The following ASTN2 variants were observed in gnomAD, a reference collection of about 807,000 sequenced individuals.
ASTN2 encodes astrotactin-2.
Under a neutral mutation model 139.8 loss-of-function variants are expected in ASTN2, and 54 were observed. The ratio of observed to expected loss-of-function variants is 0.39; its 90% confidence interval spans 0.31 to 0.48. ASTN2 has a LOEUF of 0.48. Among genes scored for constraint, ASTN2 ranks in the 20% least tolerant of loss-of-function variants. The pLI is 0.95. For synonymous variants in ASTN2, 756 were observed against 719.5 expected, an observed-to-expected ratio of 1.05 and a Z score of -0.81; for missense variants, 1,565 against 1,725.1, an observed-to-expected ratio of 0.91 and a Z score of 1.64.
chr9:117,106,505 A>G (rs532399684), intron 4 of ASTN2, among the ~76,000 whole-genome samples: 5 of 152,266 alleles, frequency 3.3e-5, no homozygotes, highest in African/African-American at 1.2e-4. Flanking sequence ...AGCCCAAGCT[A>G]CATATTTTTA....
chr9:116,629,328 A>G (rs1856620372), intron 17 of ASTN2, among the ~76,000 whole-genome samples: 1 of 152,074 alleles, frequency 6.6e-6, no homozygotes, highest in Non-Finnish European at 1.5e-5. Context: ...TGTGTTAGCC[A>G]GGATGGTCTT....
intron 10 of ASTN2, among the ~76,000 whole-genome samples, chr9:116,891,455 G>A (rs1283470701): frequency 6.6e-6 from 1 of 152,220 alleles, no homozygotes; most frequent in African/African-American, 2.4e-5. Flanking sequence ...AGTGAGCTAG[G>A]CACTTAGCAT....
In ASTN2 at chr9:116,699,360, C is replaced by T. The variant is rs147803099; in HGVS notation, c.2806+26411G>A. The T allele has an allele frequency of 3.1e-6, 5 of 1,614,054 alleles. No individual in the cohort carries two copies. The highest frequency in any genetic ancestry group is 1.7e-5 in the Admixed American group (1 of 60,010). On this transcript the variant is annotated intron_variant, in intron 16 of 22. Transcript: ENST00000313400. This position sits in a 1 kb window ranked among gnomAD's most constrained non-coding sequence, Gnocchi z 4.2. ...GGGCTTAGGCCTCAATCTGGAGAAT[C>T]GGCAGAATGAGCACCACCTGGAGGG... is the stretch of plus-strand genomic sequence containing the variant.
At chr9:116,647,138 G>T (rs938101827) in intron 17 of ASTN2, among the ~76,000 whole-genome samples, 1 of 152,090 alleles carries the variant, frequency 6.6e-6, no homozygotes, top group Admixed American at 6.6e-5. Flanking sequence ...CTCTGACTGC[G>T]TAAGGCCCCT....
chr9:117,060,390 GAAAGAAAGAAAGAAAGAAAGAAGGA>G (rs1839223435), intron 5 of ASTN2, among the ~76,000 whole-genome samples: 2 of 73,704 alleles, frequency 2.7e-5, no homozygotes, highest in African/African-American at 7.0e-5. Flanking sequence ...AAGAAAGAAA[GAAAGAAAGAAAGAAAGAAAGAAGGA>G]AAGGAAGGAA....
At chr9:117,276,750 G>C (rs937990789) in intron 2 of ASTN2, among the ~76,000 whole-genome samples, 1 of 152,138 alleles carries the variant, frequency 6.6e-6, no homozygotes, top group Admixed American at 6.5e-5. Context: ...CCATGGGAAA[G>C]CAAGAGCTTT....
chr9:117,214,106 T>C (rs991127544), intron 3 of ASTN2, among the ~76,000 whole-genome samples: 8 of 152,184 alleles, frequency 5.3e-5, no homozygotes, highest in African/African-American at 1.7e-4. Flanking sequence ...ACTGGAAAGA[T>C]GTTGGACTGC....
At chr9:116,908,060 A>T (rs1013031133) in intron 10 of ASTN2, among the ~76,000 whole-genome samples, 15 of 152,074 alleles carry the variant, frequency 9.9e-5, no homozygotes, top group African/African-American at 3.6e-4. Context: ...GGAATCTCAA[A>T]CCTGAAGCAT....
intron 5 of ASTN2, among the ~76,000 whole-genome samples, chr9:117,092,972 A>C (rs900372484): frequency 7.9e-5 from 12 of 152,168 alleles, no homozygotes; most frequent in Admixed American, 2.0e-4. Context: ...GAGAAACAGG[A>C]AAGGGGAGTG....
chr9:116,898,356 G>T (rs1260777906), intron 10 of ASTN2, among the ~76,000 whole-genome samples: 1 of 149,346 alleles, frequency 6.7e-6, no homozygotes, highest in African/African-American at 2.5e-5. Flanking sequence ...GCTGCAGTGA[G>T]CTATGATCAC....
intron 13 of ASTN2, among the ~76,000 whole-genome samples, chr9:116,784,202 C>T (rs148409994): frequency 9.9e-5 from 15 of 152,248 alleles, no homozygotes; most frequent in Non-Finnish European, 1.9e-4. Context: ...TGTTTACTTC[C>T]CCACTTTTCT....
intron 6 of ASTN2, among the ~76,000 whole-genome samples, chr9:117,016,427 G>GGTGGA (rs1447668961): frequency 6.6e-6 from 1 of 151,410 alleles, no homozygotes. Context: ...GAACCGTCCT[G>GGTGGA]GTGGAGGGAA....
intron 10 of ASTN2, among the ~76,000 whole-genome samples, chr9:116,958,884 A>G (rs1588441460): frequency 6.6e-6 from 1 of 152,222 alleles, no homozygotes; most frequent in Admixed American, 6.5e-5. Context: ...AGGAAACACT[A>G]TGAAATGGGT....
intron 10 of ASTN2, among the ~76,000 whole-genome samples, chr9:116,903,202 C>G (rs1327090639): frequency 6.6e-6 from 1 of 152,214 alleles, no homozygotes; most frequent in Non-Finnish European, 1.5e-5. Flanking sequence ...CATCATCACT[C>G]TTAAGCCCCT....
At chr9:117,356,633 C>T (rs914975964) in intron 1 of ASTN2, among the ~76,000 whole-genome samples, 4 of 151,798 alleles carry the variant, frequency 2.6e-5, no homozygotes, top group East Asian at 1.9e-4. Flanking sequence ...ATGTAAAATA[C>T]GGGTGCTTAA....
intron 7 of ASTN2, among the ~76,000 whole-genome samples, chr9:116,985,949 C>A (rs1473583186): frequency 6.6e-6 from 1 of 152,172 alleles, no homozygotes; most frequent in African/African-American, 2.4e-5. Flanking sequence ...AGGCTGAATC[C>A]TCTGTGGCCT....
chr9:116,745,519 C>T (rs1466597824), intron 13 of ASTN2, among the ~76,000 whole-genome samples: 2 of 152,198 alleles, frequency 1.3e-5, no homozygotes, highest in African/African-American at 2.4e-5. Context: ...AGATCACCAA[C>T]TCTGCTAGGT....
chr9:116,686,700 C>T (rs10983304), intron 16 of ASTN2: 44,983 of 1,550,462 alleles, frequency 0.029, 735 homozygotes, highest in Non-Finnish European at 0.032. Flanking sequence ...CGGGTACCTT[C>T]AGTCTGCAGG....
chr9:116,573,401 A>AT (rs943774824), intron 19 of ASTN2, among the ~76,000 whole-genome samples: 3 of 152,084 alleles, frequency 2.0e-5, no homozygotes, highest in Admixed American at 6.6e-5. Flanking sequence ...AGTTAAACAG[A>AT]TTTTTTTTCT....
Sources: allele counts gnomAD v4.1 joint callset (sites outside exome capture counted in the v4.1 genomes callset), GRCh38; gene constraint gnomAD v4.1.1; non-coding constraint Gnocchi (gnomAD v3.1); transcripts MANE v1.5; gene names NCBI Gene and HGNC (gene_info 2026-07-23, HGNC 2026-07-21).